Variants in PCDH7 observed in about 807,000 individuals in gnomAD.
The protein encoded by PCDH7 is protocadherin-7.
A neutral mutation model predicts 58.9 loss-of-function variants in PCDH7; 17 were observed. The observed-to-expected ratio is 0.29, with a 90% confidence interval of 0.20 to 0.43. The LOEUF (loss-of-function observed/expected upper bound fraction) is 0.43. PCDH7 is among the 20% of genes least tolerant of loss of function. The pLI is 1.00. For missense variants in PCDH7, 1,274 were observed against 1,441.0 expected (o/e 0.88, Z 1.88); for synonymous variants, 664 against 616.4 (o/e 1.08, Z -1.14).
At chr4:31,064,955 G>A (rs2109243502) in intron 3 of PCDH7, among the ~76,000 whole-genome samples, 1 of 151,822 alleles carries the variant, frequency 6.6e-6, no homozygotes, top group East Asian at 1.9e-4. Flanking sequence ...AACTTCCATG[G>A]TCACTAATTA....
intron 3 of PCDH7, among the ~76,000 whole-genome samples, chr4:31,040,773 A>G (rs996885966): frequency 3.3e-5 from 5 of 152,108 alleles, no homozygotes; most frequent in African/African-American, 9.7e-5. Flanking sequence ...TTAAGACCCA[A>G]TTTTCCCAGA....
chr4:30,842,669 G>A (rs1381792993), intron 1 of PCDH7, among the ~76,000 whole-genome samples: 1 of 152,062 alleles, frequency 6.6e-6, no homozygotes, highest in Admixed American at 6.6e-5. Flanking sequence ...GAACAGGTGG[G>A]GAAGGCAGGT....
intron 3 of PCDH7, among the ~76,000 whole-genome samples, chr4:31,002,637 T>G (rs776823558): frequency 5.9e-5 from 9 of 152,244 alleles, no homozygotes; most frequent in Non-Finnish European, 7.3e-5. Flanking sequence ...GTAGAATATT[T>G]CTTTAAATAA....
intron 1 of PCDH7, among the ~76,000 whole-genome samples, chr4:30,882,591 A>G (rs998182330): frequency 1.3e-5 from 2 of 152,116 alleles, no homozygotes; most frequent in African/African-American, 4.8e-5. Context: ...TGTTAAATAC[A>G]AGGTTATTTT....
At chr4:30,783,701 C>T (rs965402803) in intron 1 of PCDH7, among the ~76,000 whole-genome samples, 1 of 152,054 alleles carries the variant, frequency 6.6e-6, no homozygotes, top group African/African-American at 2.4e-5. Flanking sequence ...AGTTCTTTTC[C>T]AATTCTCTGC....
chr4:31,091,646 A>G (rs1201462784), intron 3 of PCDH7, among the ~76,000 whole-genome samples: 2 of 151,888 alleles, frequency 1.3e-5, no homozygotes, highest in Non-Finnish European at 2.9e-5. Context: ...AATGAATTTG[A>G]TGAAAAAGAA....
At chr4:30,751,904 C>G (rs1272863402) in intron 1 of PCDH7, among the ~76,000 whole-genome samples, 1 of 152,076 alleles carries the variant, frequency 6.6e-6, no homozygotes, top group African/African-American at 2.4e-5. Flanking sequence ...AATGTCCTTC[C>G]TATTCGCTGT....
intron 1 of PCDH7, among the ~76,000 whole-genome samples, chr4:30,913,974 T>A (rs1742091949): frequency 1.3e-5 from 2 of 152,156 alleles, no homozygotes; most frequent in African/African-American, 4.8e-5. Flanking sequence ...ATGATCACTG[T>A]AATCGCACAC....
chr4:30,846,500 A>T (rs201367944), intron 1 of PCDH7, among the ~76,000 whole-genome samples: 85 of 145,476 alleles, frequency 5.8e-4, no homozygotes, highest in African/African-American at 2.0e-3. Flanking sequence ...TTTTTTTTTT[A>T]AATAAACTGC....
intron 1 of PCDH7, among the ~76,000 whole-genome samples, chr4:30,887,062 A>G (rs1488768008): frequency 6.6e-6 from 1 of 151,106 alleles, no homozygotes; most frequent in Non-Finnish European, 1.5e-5. Context: ...GCGCACCAGC[A>G]TGGCACATGT....
At chr4:31,115,716 A>G (rs1319535186) in intron 3 of PCDH7, among the ~76,000 whole-genome samples, 1 of 152,218 alleles carries the variant, frequency 6.6e-6, no homozygotes, top group East Asian at 1.9e-4. Flanking sequence ...CCCTCTTTCT[A>G]ATAGTCATGG....
intron 3 of PCDH7, among the ~76,000 whole-genome samples, chr4:31,038,279 A>G (rs1051692380): frequency 2.0e-5 from 3 of 152,182 alleles, no homozygotes; most frequent in Admixed American, 6.5e-5. Context: ...TTTTTCTTAA[A>G]TATTGTTCTG....
At chr4:30,950,435 G>T (rs75079903) in intron 3 of PCDH7, among the ~76,000 whole-genome samples, 1,697 of 152,232 alleles carry the variant, frequency 0.011, 25 homozygotes, top group African/African-American at 0.035. Context: ...AAGAATTAAT[G>T]ATATTATTCT....
intron 3 of PCDH7, among the ~76,000 whole-genome samples, chr4:30,969,864 T>C (rs1749400035): frequency 6.6e-6 from 1 of 152,210 alleles, no homozygotes; most frequent in East Asian, 1.9e-4. Context: ...CACTAGGCCC[T>C]TAAATTATCT....
exon 3 of PCDH7, chr4:30,950,174 A>G (rs1560527984): frequency 6.6e-6 from 1 of 152,486 alleles, no homozygotes; most frequent in Non-Finnish European, 1.5e-5. Context: ...GGCAAGACGC[A>G]TGGAAGAAGA....
At chr4:30,881,752 A>T (rs1349396600) in intron 1 of PCDH7, among the ~76,000 whole-genome samples, 1 of 152,180 alleles carries the variant, frequency 6.6e-6, no homozygotes, top group Admixed American at 6.6e-5. Flanking sequence ...ATCTTCCTTT[A>T]TGTGACTTGC....
intron 3 of PCDH7, among the ~76,000 whole-genome samples, chr4:31,013,185 C>T (rs1438096297): frequency 6.7e-6 from 1 of 150,278 alleles, no homozygotes; most frequent in Non-Finnish European, 1.5e-5. Flanking sequence ...GAAGGAGACC[C>T]TGTTCTCTAA....
intron 3 of PCDH7, among the ~76,000 whole-genome samples, chr4:31,116,448 T>C (rs1716993832): frequency 6.6e-6 from 1 of 152,202 alleles, no homozygotes; most frequent in Admixed American, 6.5e-5. Context: ...TCTATTGATA[T>C]CACTTTTCCT....
intron 3 of PCDH7, among the ~76,000 whole-genome samples, chr4:31,078,751 G>A (rs1489376811): frequency 1.4e-5 from 2 of 145,904 alleles, no homozygotes; most frequent in Admixed American, 7.2e-5. Flanking sequence ...CCAAAAGTTG[G>A]CAATATAAAT....
Sources: allele counts gnomAD v4.1 joint callset (sites outside exome capture counted in the v4.1 genomes callset), GRCh38; gene constraint gnomAD v4.1.1; transcripts MANE v1.5; gene names NCBI Gene and HGNC (gene_info 2026-07-23, HGNC 2026-07-21).